Variants in PGGT1B observed in about 807,000 individuals in gnomAD.
The protein encoded by PGGT1B is geranylgeranyl transferase type-1 subunit beta.
A neutral mutation model predicts 46.1 loss-of-function variants in PGGT1B; 30 were observed. That is an observed-to-expected ratio of 0.65 (90% CI 0.49 to 0.88). The LOEUF (loss-of-function observed/expected upper bound fraction) is 0.88. PGGT1B is among the 40% of genes least tolerant of loss of function. The pLI is 0.00. For synonymous variants in PGGT1B, 170 were observed against 160.0 expected, an observed-to-expected ratio of 1.06 and a Z score of -0.47; for missense variants, 376 against 455.9, an observed-to-expected ratio of 0.82 and a Z score of 1.60.
Position 115,211,578 on chromosome 5 carries a change from ATTG to A in PGGT1B, c.*821_*823del, listed in dbSNP as rs1561467006. 1.4e-5 allele frequency: 2 copies of A among 138,966 alleles called. No individual in the cohort carries two copies. Among genetic ancestry groups the A allele is most frequent in the Non-Finnish European group, 3.1e-5 (2 of 63,790 alleles). 8.6% of individuals were successfully genotyped at this position (138,966 alleles called of 1,614,324 possible). On this transcript the variant is annotated 3_prime_UTR_variant, in exon 9 of 9. Coordinates refer to ENST00000419445, the MANE Select transcript of PGGT1B (RefSeq NM_005023.4). ...GTATCTTTCCTTCTAGATAAAAAAG[ATTG>A]TTTTCTTCCTAGAAAGCAAAAAAAA...
chr5:115,236,343 T>C, intron 5 of PGGT1B, 47 bp downstream of exon 5: 1 of 1,494,748 alleles, frequency 6.7e-7, no homozygotes, highest in South Asian at 1.2e-5. Flanking sequence ...AGCCCTCATG[T>C]ACCAGCAAAA....
chr5:115,250,131 A>C (rs1322879918), intron 2 of PGGT1B, among the ~76,000 whole-genome samples: 1 of 152,188 alleles, frequency 6.6e-6, no homozygotes, highest in African/African-American at 2.4e-5. Flanking sequence ...ATATTTATTT[A>C]GTCAAATCTA....
intron 6 of PGGT1B, among the ~76,000 whole-genome samples, chr5:115,223,076 C>A (rs1406128245): frequency 6.6e-6 from 1 of 151,484 alleles, no homozygotes; most frequent in East Asian, 1.9e-4. Flanking sequence ...ATGTAACAAA[C>A]CTGCACGTTG....
intron 4 of PGGT1B, among the ~76,000 whole-genome samples, chr5:115,237,083 T>C (rs1398269271): frequency 6.6e-6 from 1 of 152,188 alleles, no homozygotes; most frequent in Non-Finnish European, 1.5e-5. Context: ...TACACTGAAA[T>C]ATTGAGACAT....
At chr5:115,217,289 A>G (rs1171479303) in intron 7 of PGGT1B, among the ~76,000 whole-genome samples, 1 of 151,996 alleles carries the variant, frequency 6.6e-6, no homozygotes, top group Admixed American at 6.6e-5. Context: ...AAAAAGTACA[A>G]TTTTATCTAC....
At position 115,228,216 on chromosome 5, in the gene PGGT1B, G is replaced by A. The variant is rs531913711; in HGVS notation, c.658+2760C>T. On this transcript the variant is annotated intron_variant, in intron 6 of 8. Transcript: ENST00000419445. ...CAGCACAGAAGTAACAGTGCAGACT[G>A]GGAAACACAGTTTTGGGTGCCATCA... Among the ~76,000 whole-genome samples, 5 of 152,218 alleles carry A rather than the reference G, an allele frequency of 3.3e-5. No homozygotes were observed. In the East Asian group the frequency reaches 5.8e-4, roughly 18 times the overall value.
At position 115,212,533 on chromosome 5, in the gene PGGT1B, T is replaced by G. The variant is rs1756267026; in HGVS notation, c.1003A>C (p.Ser335Arg). 2.5e-6 allele frequency: 4 copies of G among 1,613,572 alleles called. No individual in the cohort carries two copies. The highest frequency in any genetic ancestry group is 3.4e-6 in the Non-Finnish European group (4 of 1,179,710). The change falls in exon 9 of 9, where the codon AGT (serine) becomes CGT (arginine). Residue 335 changes from serine to arginine, a missense_variant. Physicochemically the swap from Ser to Arg is moderately radical, Grantham distance 110. This residue lies in a region of PGGT1B where 222 missense variants were observed against 313.6 expected (regional missense o/e 0.71). Transcript: ENST00000419445. ...GCAGGATGAACTTTACAAATTCCACTTTCCTCCATTAGTGACAGGCCACAG... is the reference window on the plus strand; with the variant it reads ...GCAGGATGAACTTTACAAATTCCACGTTCCTCCATTAGTGACAGGCCACAG... ...GICGLSLMEE[S>R]GICKVHPALN...
chr5:115,236,605 T>A, intron 4 of PGGT1B, 83 bp from the exon 5 acceptor site: 2 of 766,752 alleles, frequency 2.6e-6, no homozygotes, highest in Non-Finnish European at 4.0e-6. Flanking sequence ...ACCTCCTGCT[T>A]GTCTTTACTA....
intron 2 of PGGT1B, chr5:115,252,875 A>G (rs969764592): frequency 8.8e-6 from 3 of 342,476 alleles, no homozygotes; most frequent in African/African-American, 6.5e-5. Context: ...AGTAGTCATC[A>G]AAGTGGAAGT....
At chr5:115,259,685 C>CAAAAAAAAA (rs917531364) in intron 1 of PGGT1B, among the ~76,000 whole-genome samples, 1 of 29,476 alleles carries the variant, frequency 3.4e-5, no homozygotes, top group Non-Finnish European at 7.1e-5. Context: ...GAGACTGTCT[C>CAAAAAAAAA]AAAAAAAAAA....
At chr5:115,257,928 A>C (rs1488457781) in intron 1 of PGGT1B, among the ~76,000 whole-genome samples, 1 of 152,252 alleles carries the variant, frequency 6.6e-6, no homozygotes, top group African/African-American at 2.4e-5. Flanking sequence ...AGATGCTGCC[A>C]TAATACTTCG....
chr5:115,222,749 G>C (rs1339333722), intron 6 of PGGT1B, among the ~76,000 whole-genome samples: 1 of 152,144 alleles, frequency 6.6e-6, no homozygotes, highest in Non-Finnish European at 1.5e-5. Flanking sequence ...TGATAGACTG[G>C]ATTAAGAAAA....
intron 1 of PGGT1B, among the ~76,000 whole-genome samples, chr5:115,259,596 G>A (rs1041541521): frequency 1.2e-4 from 18 of 150,404 alleles, no homozygotes; most frequent in Non-Finnish European, 1.8e-4. Flanking sequence ...GGCTGAGGCA[G>A]GAGAATCGCT....
intron 8 of PGGT1B, 82 bp downstream of exon 8, chr5:115,216,781 CTA>C: frequency 1.4e-6 from 1 of 736,914 alleles, no homozygotes; most frequent in Non-Finnish European, 2.4e-6. Context: ...GATATATTTT[CTA>C]TCATATGCCT....
In PGGT1B at chr5:115,221,837, C is replaced by G. The variant is rs753113542; in HGVS notation, c.830G>C (p.Gly277Ala). 7 of 1,584,360 alleles carry G rather than the reference C, an allele frequency of 4.4e-6. No homozygotes were observed. The highest frequency in any genetic ancestry group is 6.0e-6 in the Non-Finnish European group (7 of 1,169,426). Residue 277 changes from glycine (G) to alanine (A), a missense_variant, in exon 7 of 9, where the codon GGA (glycine) becomes GCA (alanine). Physicochemically the swap from Gly to Ala is moderately conservative, Grantham distance 60 (BLOSUM62 0). Around this residue, in one of 2 missense-constraint regions of PGGT1B, gnomAD observed 222 missense variants for 313.6 expected, o/e 0.71. Transcript: ENST00000419445. ...TATTTCTCTTACCTTCAGAGTTGCT[C>G]CCACCCAAAAAGAATAACAGGTGTC... ...PVDTCYSFWVGATLKLLKIFQ... is the reference protein window; with the variant it reads ...PVDTCYSFWVAATLKLLKIFQ...
intron 2 of PGGT1B, among the ~76,000 whole-genome samples, chr5:115,247,379 A>G (rs1026831328): frequency 6.6e-6 from 1 of 152,198 alleles, no homozygotes; most frequent in Non-Finnish European, 1.5e-5. Context: ...AAATATCACC[A>G]TACTATTAAT....
intron 2 of PGGT1B, among the ~76,000 whole-genome samples, chr5:115,244,293 G>A (rs900343462): frequency 1.3e-5 from 2 of 150,948 alleles, no homozygotes; most frequent in African/African-American, 4.9e-5. Flanking sequence ...GTGAAACCCC[G>A]TCTCTACTAA....
rs1305057356 is a variant in PGGT1B at position 115,211,867 on chromosome 5, T to TTGTG, written c.*534_*535insCACA. 1 of 153,888 alleles carries TTGTG rather than the reference T, an allele frequency of 6.5e-6. No homozygotes were observed. Among genetic ancestry groups the TTGTG allele is most frequent in the East Asian group, 1.9e-4 (1 of 5,206 alleles). 9.5% of individuals were successfully genotyped at this position (153,888 alleles called of 1,614,324 possible). A position where few individuals can be genotyped will look rare whatever the true frequency, so the allele number is the denominator to read the frequency against. ...ATTTATATAGGCCACACAGGTTTAATTGGCACACTTTACTTAAGAATAAGA... is the reference window on the plus strand; with the variant it reads ...ATTTATATAGGCCACACAGGTTTAATTGTGTGGCACACTTTACTTAAGAATAAGA... On this transcript the variant is annotated 3_prime_UTR_variant, in exon 9 of 9. Coordinates refer to ENST00000419445, the MANE Select transcript of PGGT1B (RefSeq NM_005023.4).
intron 6 of PGGT1B, among the ~76,000 whole-genome samples, chr5:115,226,057 C>T (rs532407887): frequency 3.8e-5 from 5 of 131,794 alleles, no homozygotes; most frequent in South Asian, 5.1e-4. Flanking sequence ...TTTATCTGAA[C>T]TGCATTATGA....
Sources: gnomAD v4.1 joint callset for allele counts (sites outside exome capture counted in the v4.1 genomes callset) on GRCh38, gnomAD v4.1.1 for gene constraint, gnomAD v4.1.1 regional missense constraint, MANE v1.5 for transcripts, NCBI Gene and HGNC (gene_info 2026-07-23, HGNC 2026-07-21) for gene names.